KCNQ4: variants seen among roughly 807,000 people sequenced by gnomAD.
KCNQ4 encodes potassium voltage-gated channel subfamily KQT member 4.
KCNQ4 carries 31 observed loss-of-function variants against 72.6 expected under a neutral mutation model. The observed-to-expected ratio is 0.43, with a 90% CI of 0.32 to 0.58. The LOEUF (loss-of-function observed/expected upper bound fraction) is 0.58, where lower values mean the gene tolerates loss of function less well. Ranked by LOEUF, KCNQ4 falls within the 20% of genes least tolerant of loss-of-function variation. The pLI, the probability that KCNQ4 is intolerant of heterozygous loss-of-function variation, is 0.08. For synonymous variants in KCNQ4, 405 were observed against 403.7 expected (o/e 1.00, Z -0.04); for missense variants, 869 against 962.6 (o/e 0.90, Z 1.29).
intron 7 of KCNQ4, among the ~76,000 whole-genome samples, chr1:40,822,057 C>G (rs1164495702): frequency 6.6e-6 from 1 of 152,226 alleles, no homozygotes; most frequent in Non-Finnish European, 1.5e-5. Context: ...TGCCTGACAA[C>G]AAAACTCCAG....
At position 40,812,615 on chromosome 1, in the gene KCNQ4, C is replaced by T. The variant is rs548422889; in HGVS notation, c.315-4650C>T. 2.2e-4 allele frequency among the ~76,000 whole-genome samples: 33 copies of T among 152,258 alleles called. No homozygotes were observed. The South Asian group carries it at 3.9e-3, about 18-fold the overall frequency. ...ATCCCTTCAAATGTAATGAGAGTAT[C>T]AAGGGTATAGAAACTCTTAGCCAGT... On this transcript the variant is annotated intron_variant, in intron 1 of 13. Transcript: ENST00000347132.
chr1:40,784,514 C>G lies in KCNQ4; in HGVS notation c.314+107C>G. 1 of 1,045,422 alleles carries G rather than the reference C, an allele frequency of 9.6e-7. No homozygotes were observed. Among genetic ancestry groups the G allele is most frequent in the Non-Finnish European group, 1.5e-6 (1 of 688,050 alleles). The allele number at this position is 1,045,422 out of a possible 1,614,324, so 64.8% of individuals were successfully genotyped here. A position where few individuals can be genotyped will look rare whatever the true frequency, so the allele number is the denominator to read the frequency against. On this transcript the variant is annotated intron_variant, in intron 1 of 13. Transcript: ENST00000347132. The surrounding 1 kb of genome is among the most constrained non-coding windows in gnomAD (Gnocchi z 4.1). ...GCCTTCTACCCCCCTGCCTCAGGGC[C>G]GACCCTCATCTCTCTCCCCCCAGGC...
At chr1:40,818,041 C>A in intron 2 of KCNQ4, 123 bp from the exon 3 acceptor site, 1 of 1,330,384 alleles carries the variant, frequency 7.5e-7, no homozygotes, top group Non-Finnish European at 1.1e-6. Flanking sequence ...CAGGAAACTC[C>A]AGGAGAGGGG....
rs11805763 is a variant in KCNQ4 at position 40,826,806 on chromosome 1, C to T, written c.1292+2548C>T. ...CAAGGTGCATGTGCCTGCCGCCTGC[C>T]GTCTGCCTTGGGTGCCCAGTGAACC... On this transcript the variant is annotated intron_variant, in intron 9 of 13. Coordinates refer to ENST00000347132, the MANE Select transcript of KCNQ4 (RefSeq NM_004700.4). 151 of 377,356 alleles carry T rather than the reference C, an allele frequency of 4.0e-4. 1 individual carries two copies. The highest frequency in any genetic ancestry group is 2.9e-3 in the African/African-American group (139 of 48,160). The allele number at this position is 377,356 out of a possible 1,614,324, so 23.4% of individuals were successfully genotyped here.
At position 40,784,502 on chromosome 1, in the gene KCNQ4, C is replaced by T. The variant is rs973122512; in HGVS notation, c.314+95C>T. On this transcript the variant is annotated intron_variant, in intron 1 of 13. Coordinates refer to ENST00000347132, the MANE Select transcript of KCNQ4 (RefSeq NM_004700.4). The surrounding 1 kb of genome is among the most constrained non-coding windows in gnomAD (Gnocchi z 4.1). ...CGCCCTGGCTCCGCCTTCTACCCCC[C>T]TGCCTCAGGGCCGACCCTCATCTCT... The T allele has an allele frequency of 4.8e-6, 6 of 1,245,058 alleles. No homozygotes were observed. The highest frequency in any genetic ancestry group is 6.9e-6 in the Non-Finnish European group (6 of 864,896). The allele number at this position is 1,245,058 out of a possible 1,614,324, so 77.1% of individuals were successfully genotyped here. A position where few individuals can be genotyped will look rare whatever the true frequency, so the allele number is the denominator to read the frequency against.
chr1:40,826,896 G>A (rs1003326975), intron 9 of KCNQ4, among the ~76,000 whole-genome samples: 6 of 152,238 alleles, frequency 3.9e-5, no homozygotes, highest in South Asian at 4.1e-4. Flanking sequence ...GGAGGGGCAC[G>A]TGCAGGAGCC....
chr1:40,826,770 T>C, intron 9 of KCNQ4: 1 of 427,172 alleles, frequency 2.3e-6, no homozygotes, highest in East Asian at 7.3e-5. Flanking sequence ...GGGGACAGGA[T>C]GGGCCAAGGA....
intron 1 of KCNQ4, among the ~76,000 whole-genome samples, chr1:40,802,390 AAGT>A (rs1431501200): frequency 4.1e-4 from 63 of 152,122 alleles, no homozygotes; most frequent in African/African-American, 1.5e-3. Flanking sequence ...GAAACGGAAA[AAGT>A]AGCCGGCCGG....
intron 12 of KCNQ4, 85 bp from the exon 13 acceptor site, chr1:40,837,580 T>G (rs1395419786): frequency 7.2e-6 from 11 of 1,530,284 alleles, no homozygotes; most frequent in Non-Finnish European, 9.7e-6. Flanking sequence ...TCGTGGTGCC[T>G]TCTCCTTCAT....
At chr1:40,816,133 G>C (rs1423779068) in intron 1 of KCNQ4, among the ~76,000 whole-genome samples, 3 of 152,162 alleles carry the variant, frequency 2.0e-5, no homozygotes, top group Non-Finnish European at 4.4e-5. Flanking sequence ...AGCATGCACC[G>C]TGCCAGCAAC....
chr1:40,813,745 T>G (rs1647997410), intron 1 of KCNQ4, among the ~76,000 whole-genome samples: 1 of 151,736 alleles, frequency 6.6e-6, no homozygotes, highest in Admixed American at 6.6e-5. Context: ...TGTTTTTGTT[T>G]TTGTTTTTGT....
At chr1:40,814,210 C>T (rs946571857) in intron 1 of KCNQ4, among the ~76,000 whole-genome samples, 5 of 151,714 alleles carry the variant, frequency 3.3e-5, no homozygotes, top group African/African-American at 4.8e-5. Context: ...CCTACCAACA[C>T]GCCTGGCTAA....
At chr1:40,837,581 TCTC>T (rs1178560156) in intron 12 of KCNQ4, 81 bp from the exon 13 acceptor site, 6 of 1,526,630 alleles carry the variant, frequency 3.9e-6, no homozygotes, top group Non-Finnish European at 5.3e-6. Context: ...CGTGGTGCCT[TCTC>T]CTTCATCAGG....
intron 8 of KCNQ4, among the ~76,000 whole-genome samples, chr1:40,823,374 C>G (rs1380605859): frequency 6.6e-6 from 1 of 151,584 alleles, no homozygotes; most frequent in East Asian, 1.9e-4. Flanking sequence ...GCTGGGCATT[C>G]GAGAGTGGGG....
chr1:40,789,064 C>T (rs556308979), intron 1 of KCNQ4, among the ~76,000 whole-genome samples: 25 of 152,352 alleles, frequency 1.6e-4, no homozygotes, highest in Non-Finnish European at 2.9e-4. Flanking sequence ...AGTTTTTGGC[C>T]TTCACCTATA....
chr1:40,812,887 G>A (rs1647968507), intron 1 of KCNQ4, among the ~76,000 whole-genome samples: 1 of 152,214 alleles, frequency 6.6e-6, no homozygotes, highest in Non-Finnish European at 1.5e-5. Flanking sequence ...CAATAGTGCT[G>A]TGAAATCAAT....
intron 1 of KCNQ4, among the ~76,000 whole-genome samples, chr1:40,789,282 C>G (rs1324117269): frequency 6.6e-6 from 1 of 152,160 alleles, no homozygotes; most frequent in Non-Finnish European, 1.5e-5. Flanking sequence ...AGCTACTCAT[C>G]CAAGGTCACA....
chr1:40,823,804 C>T (rs578220277), intron 8 of KCNQ4, among the ~76,000 whole-genome samples: 88 of 152,316 alleles, frequency 5.8e-4, no homozygotes, highest in Middle Eastern at 3.4e-3. Flanking sequence ...TGAGGAGGCA[C>T]GGCACGTTCA....
rs1230901563 is a variant in KCNQ4 at position 40,788,366 on chromosome 1, T to C, written c.314+3959T>C. Among the ~76,000 whole-genome samples the C allele has an allele frequency of 6.6e-6, 1 of 152,204 alleles. No homozygotes were observed. The highest frequency in any genetic ancestry group is 2.4e-5 in the African/African-American group (1 of 41,440). On this transcript the variant is annotated intron_variant, in intron 1 of 13. Coordinates refer to ENST00000347132, the MANE Select transcript of KCNQ4 (RefSeq NM_004700.4). The surrounding 1 kb of genome is among the most constrained non-coding windows in gnomAD (Gnocchi z 4.5). ...AGAGTTGAAATTGCTCCTGCTTCCTTGTCCAGGACTGTTCGCTCCGTTCCT... is the reference window on the plus strand; with the variant it reads ...AGAGTTGAAATTGCTCCTGCTTCCTCGTCCAGGACTGTTCGCTCCGTTCCT...
Sources: allele counts gnomAD v4.1 joint callset (sites outside exome capture counted in the v4.1 genomes callset), GRCh38; gene constraint gnomAD v4.1.1; non-coding constraint Gnocchi (gnomAD v3.1); transcripts MANE v1.5; gene names NCBI Gene and HGNC (gene_info 2026-07-23, HGNC 2026-07-21).